The following IVL variants were observed in gnomAD, a reference collection of about 807,000 sequenced individuals.
IVL encodes the protein involucrin.
For missense variants in IVL, 722 were observed against 624.9 expected, an observed-to-expected ratio of 1.16 and a Z score of -1.66; for synonymous variants, 257 against 271.0, an observed-to-expected ratio of 0.95 and a Z score of 0.51.
Position 152,909,860 on chromosome 1 carries a change from G to T in IVL, c.63G>T (p.Lys21Asn), listed in dbSNP as rs1315095971. Residue 21 changes from lysine to asparagine, a missense_variant, in exon 2 of 2, where the codon AAG becomes AAT. Lys to Asn is a moderately conservative substitution (Grantham distance 94). Transcript: ENST00000368764. ...CTGCCCTCAGTCAGGAGCTCCTCAA[G>T]ACTGTTCCTCCTCCAGTCAATACCC... ...LSPALSQELLKTVPPPVNTHQ... is the reference protein window; with the variant it reads ...LSPALSQELLNTVPPPVNTHQ... The T allele has an allele frequency of 6.2e-7, 1 of 1,614,160 alleles. No homozygotes were observed. Among genetic ancestry groups the T allele is most frequent in the Non-Finnish European group, 8.5e-7 (1 of 1,180,030 alleles).
chr1:152,909,059 G>C (rs977753744), intron 1 of IVL, among the ~76,000 whole-genome samples: 1 of 152,158 alleles, frequency 6.6e-6, no homozygotes, highest in Non-Finnish European at 1.5e-5. Flanking sequence ...AGAAGTATAA[G>C]ACTTGGAAGA....
At chr1:152,909,741 G>A (rs1364227991) in intron 1 of IVL, 38 bp from the exon 2 acceptor site, 4 of 1,499,870 alleles carry the variant, frequency 2.7e-6, no homozygotes, top group Admixed American at 4.1e-5. Flanking sequence ...TATTTCCTTT[G>A]CCTTCAGCCT....
chr1:152,910,915 T>C lies in IVL; in HGVS notation c.1118T>C (p.Leu373Pro), dbSNP rs1000781975. Residue 373 changes from leucine (L) to proline (P), a missense_variant, in exon 2 of 2, where the codon CTG becomes CCG. By Grantham distance (98) the Leu-to-Pro change is moderately conservative (BLOSUM62 -3). Coordinates refer to ENST00000368764, the MANE Select transcript of IVL (RefSeq NM_005547.4). ...CTCCCAGAGCAGCAGGTGCTGCAGC[T>C]GAAGCAGCTAGAGAAGCAGCAGGGG... ...LGLPEQQVLQ[L>P]KQLEKQQGQP... is the part of the protein sequence containing the mutation. The C allele has an allele frequency of 6.5e-7, 1 of 1,547,544 alleles. No homozygotes were observed. Among genetic ancestry groups the C allele is most frequent in the Non-Finnish European group, 8.7e-7 (1 of 1,146,158 alleles).
At position 152,910,674 on chromosome 1, in the gene IVL, C is replaced by A. The variant is rs774958139; in HGVS notation, c.877C>A (p.Leu293Met). The A allele has an allele frequency of 5.7e-5, 88 of 1,549,272 alleles. No homozygotes were observed. In the East Asian group the frequency reaches 1.4e-3, roughly 24 times the overall value. ...GTACCTGGAACAGCAGGAGGGGCAG[C>A]TGAAGCACCTGGATCAGCAGGAGAA... ...LKYLEQQEGQ[L>M]KHLDQQEKQP... The change falls in exon 2 of 2, where the codon CTG becomes ATG. Residue 293 changes from leucine (L) to methionine (M), a missense_variant. Coordinates refer to ENST00000368764, the MANE Select transcript of IVL (RefSeq NM_005547.4).
intron 1 of IVL, 49 bp from the exon 2 acceptor site, chr1:152,909,730 C>T (rs1028261496): frequency 1.1e-5 from 16 of 1,448,776 alleles, no homozygotes; most frequent in Non-Finnish European, 1.4e-5. Flanking sequence ...AAGGTTTCAT[C>T]TATTTCCTTT....
rs996092281 is a variant in IVL, at chr1:152,911,392, A to G, written c.1595A>G (p.Asp532Gly). 6.2e-7 allele frequency: 1 copy of G among 1,613,650 alleles called. No individual in the cohort carries two copies. Among genetic ancestry groups the G allele is most frequent in the Non-Finnish European group, 8.5e-7 (1 of 1,179,780 alleles). ...GAGCAGCAGGAGGGGCAGCTGAAGG[A>G]CCTGGAGCAGCAGAAGGGGCAGCTG... is the stretch of plus-strand genomic sequence containing the variant. ...HLEQQEGQLK[D>G]LEQQKGQLEQ... Residue 532 changes from aspartate (D) to glycine (G), a missense_variant, in exon 2 of 2, where the codon GAC becomes GGC. Coordinates refer to ENST00000368764, the MANE Select transcript of IVL (RefSeq NM_005547.4).
Position 152,911,392 on chromosome 1 carries a change from A to T in IVL, c.1595A>T (p.Asp532Val), listed in dbSNP as rs996092281. 1.9e-6 allele frequency: 3 copies of T among 1,613,650 alleles called. No individual in the cohort carries two copies. Among genetic ancestry groups the T allele is most frequent in the Non-Finnish European group, 1.7e-6 (2 of 1,179,780 alleles). The change falls in exon 2 of 2, where the codon GAC becomes GTC. Residue 532 changes from aspartate to valine, a missense_variant. Asp to Val is a radical substitution (Grantham distance 152). Coordinates refer to ENST00000368764, the MANE Select transcript of IVL (RefSeq NM_005547.4). ...GAGCAGCAGGAGGGGCAGCTGAAGG[A>T]CCTGGAGCAGCAGAAGGGGCAGCTG... ...HLEQQEGQLK[D>V]LEQQKGQLEQ...
Position 152,909,763 on chromosome 1 carries a change from C to G in IVL, c.-19-16C>G, listed in dbSNP as rs755306467. 2.2e-5 allele frequency: 34 copies of G among 1,580,002 alleles called. No individual in the cohort carries two copies. In the East Asian group the frequency reaches 7.0e-4, roughly 32 times the overall value. On this transcript the variant is annotated splice_polypyrimidine_tract_variant and intron_variant, in intron 1 of 1. Coordinates refer to ENST00000368764, the MANE Select transcript of IVL (RefSeq NM_005547.4). Reference sequence around the variant, plus strand: ...TTTGCCTTCAGCCTGTGCATCAGACCTCTTCTGTCTTTCAGGTTGACAGTA... The same window carrying G: ...TTTGCCTTCAGCCTGTGCATCAGACGTCTTCTGTCTTTCAGGTTGACAGTA...
Position 152,911,443 on chromosome 1 carries a change from C to T in IVL, c.1646C>T (p.Pro549Leu), listed in dbSNP as rs1649994930. The T allele has an allele frequency of 3.1e-6, 5 of 1,614,044 alleles. No homozygotes were observed. The South Asian group carries it at 5.5e-5, about 18-fold the overall frequency. Residue 549 changes from proline to leucine, a missense_variant, in exon 2 of 2, where the codon CCA (proline) becomes CTA (leucine). Physicochemically the swap from Pro to Leu is moderately conservative, Grantham distance 98. Transcript: ENST00000368764. The stretch of plus-strand genomic sequence containing the variant: ...GAGCAGCCTGTGTTTGCCCCAGCTC[C>T]AGGCCAGGTCCAAGACATTCAACCA... ...QLEQPVFAPAPGQVQDIQPAL... is the reference protein window; with the variant it reads ...QLEQPVFAPALGQVQDIQPAL...
rs1650004364 is a variant in IVL, at chr1:152,911,646, C to T, written c.*91C>T. On this transcript the variant is annotated 3_prime_UTR_variant, in exon 2 of 2. Transcript: ENST00000368764. Reference sequence around the variant, plus strand: ...CTTATTTCGGGTCCGCTAGGTGGCCCGTCTCATCTGTGAACTTGACTCTGT... The same window carrying T: ...CTTATTTCGGGTCCGCTAGGTGGCCTGTCTCATCTGTGAACTTGACTCTGT... 1.1e-5 allele frequency: 13 copies of T among 1,224,696 alleles called. No individual in the cohort carries two copies. Among genetic ancestry groups the T allele is most frequent in the Middle Eastern group, 2.6e-4 (1 of 3,806 alleles). The allele number at this position is 1,224,696 out of a possible 1,614,324, so 75.9% of individuals were successfully genotyped here. A position where few individuals can be genotyped will look rare whatever the true frequency, so the allele number is the denominator to read the frequency against.
chr1:152,911,356 TA>T lies in IVL; in HGVS notation c.1563del (p.Lys521AsnfsTer10), dbSNP rs1225913417. 6.2e-7 allele frequency: 1 copy of T among 1,607,344 alleles called. No homozygotes were observed. Among genetic ancestry groups the T allele is most frequent in the Non-Finnish European group, 8.5e-7 (1 of 1,176,626 alleles). ...CACCCAGAGCAGCAGGACGGACAACTAAAACATCTGGAGCAGCAGGAGGGGC... is the reference window on the plus strand; with the variant it reads ...CACCCAGAGCAGCAGGACGGACAACTAAACATCTGGAGCAGCAGGAGGGGC... ...LEHPEQQDGQ[L>X]KHLEQQEGQL... On this transcript the variant is annotated frameshift_variant, in exon 2 of 2. Coordinates refer to ENST00000368764, the MANE Select transcript of IVL (RefSeq NM_005547.4). LOFTEE classifies it low-confidence loss of function (END_TRUNC).
intron 1 of IVL, 65 bp from the exon 2 acceptor site, chr1:152,909,714 A>C: frequency 7.5e-7 from 1 of 1,332,636 alleles, no homozygotes; most frequent in Non-Finnish European, 1.0e-6. Context: ...ACTTCTGCAG[A>C]TTCCCAAGGT....
At position 152,909,972 on chromosome 1, in the gene IVL, C is replaced by T; in HGVS notation, c.175C>T (p.Gln59Ter). 6.2e-7 allele frequency: 1 copy of T among 1,614,162 alleles called. No homozygotes were observed. Among genetic ancestry groups the T allele is most frequent in the Non-Finnish European group, 8.5e-7 (1 of 1,180,046 alleles). ...GCTCCCAGTGGAGGTCCCATCAAAG[C>T]AAGAGGAAAAGCACATGACTGCTGT... is the stretch of plus-strand genomic sequence containing the variant. ...VELPVEVPSK[Q>*]EEKHMTAVKG... is the part of the protein sequence containing the mutation. The change falls in exon 2 of 2, where the codon CAA becomes TAA. Residue 59 changes from glutamine to a stop codon, truncating the protein, a stop_gained. Coordinates refer to ENST00000368764, the MANE Select transcript of IVL (RefSeq NM_005547.4). LOFTEE classifies it low-confidence loss of function (END_TRUNC).
chr1:152,911,322 C>A lies in IVL; in HGVS notation c.1525C>A (p.His509Asn), dbSNP rs916491123. ...AAAGCACCTGGAACAGCAGGAAAAG[C>A]ACCTAGAGCACCCAGAGCAGCAGGA... ...QPKHLEQQEKHLEHPEQQDGQ... is the reference protein window; with the variant it reads ...QPKHLEQQEKNLEHPEQQDGQ... Residue 509 changes from histidine to asparagine, a missense_variant, in exon 2 of 2, where the codon CAC becomes AAC. His to Asn is a moderately conservative substitution (Grantham distance 68). Coordinates refer to ENST00000368764, the MANE Select transcript of IVL (RefSeq NM_005547.4). 2 of 1,582,382 alleles carry A rather than the reference C, an allele frequency of 1.3e-6. No individual in the cohort carries two copies. The highest frequency in any genetic ancestry group is 1.7e-6 in the Non-Finnish European group (2 of 1,164,306).
chr1:152,909,671 C>T, intron 1 of IVL, 108 bp from the exon 2 acceptor site: 1 of 809,328 alleles, frequency 1.2e-6, no homozygotes, highest in Non-Finnish European at 1.9e-6. Context: ...CAGTACCCTG[C>T]CCAAGGGAAG....
At chr1:152,909,105 C>A (rs1649858432) in intron 1 of IVL, among the ~76,000 whole-genome samples, 1 of 152,146 alleles carries the variant, frequency 6.6e-6, no homozygotes, top group Admixed American at 6.5e-5. Flanking sequence ...CCAGCTCCCG[C>A]AGCCCCACCC....
chr1:152,909,699 C>T, intron 1 of IVL, 80 bp from the exon 2 acceptor site: 1 of 1,167,410 alleles, frequency 8.6e-7, no homozygotes, highest in Non-Finnish European at 1.2e-6. Flanking sequence ...GCTAAAAAAC[C>T]AGATACTTCT....
Position 152,911,070 on chromosome 1 carries a change from C to T in IVL, c.1273C>T (p.Gln425Ter). The T allele has an allele frequency of 6.4e-7, 1 of 1,550,474 alleles. No homozygotes were observed. Among genetic ancestry groups the T allele is most frequent in the South Asian group, 1.2e-5 (1 of 83,960 alleles). ...GGAGAGGCAGGTGGAGCACCTGGAG[C>T]AGCAGGTGGGGCAGCTGAAGCACCT... Reference protein sequence around the residue: ...QQERQVEHLEQQVGQLKHLEE... With the variant: ...QQERQVEHLE Residue 425 changes from glutamine (Q) to a stop codon, truncating the protein, a stop_gained, in exon 2 of 2, where the codon CAG (glutamine) becomes TAG (stop). Coordinates refer to ENST00000368764, the MANE Select transcript of IVL (RefSeq NM_005547.4). LOFTEE classifies it low-confidence loss of function (END_TRUNC).
At chr1:152,909,740 T>C in intron 1 of IVL, 39 bp from the exon 2 acceptor site, 1 of 1,494,498 alleles carries the variant, frequency 6.7e-7, no homozygotes, top group South Asian at 1.3e-5. Flanking sequence ...CTATTTCCTT[T>C]GCCTTCAGCC....
Sources: allele counts gnomAD v4.1 joint callset (sites outside exome capture counted in the v4.1 genomes callset), GRCh38; gene constraint gnomAD v4.1.1; transcripts MANE v1.5; gene names NCBI Gene and HGNC (gene_info 2026-07-23, HGNC 2026-07-21).